KLK13: variants seen among roughly 807,000 people sequenced by gnomAD.
KLK13 encodes the protein kallikrein related peptidase 13.
Under a neutral mutation model 22.4 loss-of-function variants are expected in KLK13, and 19 were observed. The ratio of observed to expected loss-of-function variants is 0.85; its 90% CI spans 0.59 to 1.24. The LOEUF is 1.24. Among genes scored for constraint, KLK13 ranks in the 50% most tolerant of loss-of-function variants. The pLI, the probability that KLK13 is intolerant of heterozygous loss-of-function variation, is 0.00. For missense variants in KLK13, 311 were observed against 347.9 expected (o/e 0.89, Z 0.84); for synonymous variants, 156 against 141.8 (o/e 1.10, Z -0.71).
Position 51,065,084 on chromosome 19 carries a change from G to A in KLK13, c.-17C>T, listed in dbSNP as rs781752493. On this transcript the variant is annotated 5_prime_UTR_variant, in exon 1 of 5. Coordinates refer to ENST00000595793, the MANE Select transcript of KLK13 (RefSeq NM_015596.3). ...GGGCCACATGGCTCCGGGATCGGGA[G>A]GGGAGGGCAGGGCGGGCGGGGCCTG... The A allele has an allele frequency of 2.3e-5, 35 of 1,508,998 alleles. 2 individuals are homozygous for A. In the East Asian group the frequency reaches 2.7e-4, roughly 12 times the overall value. 93.5% of individuals were successfully genotyped at this position (1,508,998 alleles called of 1,614,324 possible). A position where few individuals can be genotyped will look rare whatever the true frequency, so the allele number is the denominator to read the frequency against.
In KLK13 at chr19:51,063,097, C is replaced by T. The variant is rs540707614; in HGVS notation, c.52+1919G>A. 1.4e-4 allele frequency among the ~76,000 whole-genome samples: 21 copies of T among 152,194 alleles called. No individual in the cohort carries two copies. The South Asian group carries it at 3.9e-3, about 29-fold the overall frequency. ...GGTGCTAATATGGTTTTAACACCTC[C>T]CTAATCCTCACTGAGCTCACTTTTC... On this transcript the variant is annotated intron_variant, in intron 1 of 4. Transcript: ENST00000595793.
chr19:51,065,231 C>T (rs76599303), upstream of KLK13: 4,029 of 527,624 alleles, frequency 7.6e-3, 126 homozygotes, highest in African/African-American at 0.067. Context: ...ATCTGCCCCC[C>T]GCCTCCAATT....
At chr19:51,058,378 TG>T (rs1171056028) in intron 4 of KLK13, among the ~76,000 whole-genome samples, 159 bp downstream of exon 4, 2 of 152,242 alleles carry the variant, frequency 1.3e-5, no homozygotes, top group African/African-American at 4.8e-5. Context: ...CTGCCATCCC[TG>T]GGTACCCCTT....
Position 51,056,500 on chromosome 19 carries a change from C to T in KLK13, c.*87G>A. The T allele has an allele frequency of 7.7e-7, 1 of 1,301,948 alleles. No homozygotes were observed. Among genetic ancestry groups the T allele is most frequent in the Non-Finnish European group, 1.1e-6 (1 of 918,088 alleles). 80.6% of individuals were successfully genotyped at this position (1,301,948 alleles called of 1,614,324 possible). A position where few individuals can be genotyped will look rare whatever the true frequency, so the allele number is the denominator to read the frequency against. On this transcript the variant is annotated 3_prime_UTR_variant, in exon 5 of 5. Transcript: ENST00000595793. The stretch of plus-strand genomic sequence containing the variant: ...ACATGGATCACTGGTTCAAATGGAA[C>T]ACTGGGAATAAGGAGCAGAGAAGGG...
At chr19:51,064,514 A>ATAC (rs370002183) in intron 1 of KLK13, 1 of 394,684 alleles carries the variant, frequency 2.5e-6, no homozygotes. Flanking sequence ...AAAAAAAGGA[A>ATAC]TACTACTAAT....
rs572111207 is a variant in KLK13, at chr19:51,064,312, A to G, written c.52+704T>C. 1.9e-4 allele frequency among the ~76,000 whole-genome samples: 29 copies of G among 151,960 alleles called. 7 individuals are homozygous for G. In the South Asian group the frequency reaches 2.3e-3, roughly 12 times the overall value. ...AGACCAGCCTAACCAACATGGCGAA[A>G]CCCCGTCTCTGCTGAAAATACAAAA... On this transcript the variant is annotated intron_variant, in intron 1 of 4. Coordinates refer to ENST00000595793, the MANE Select transcript of KLK13 (RefSeq NM_015596.3).
At position 51,056,792 on chromosome 19, in the gene KLK13, AAGAG is replaced by A. The variant is rs746704211; in HGVS notation, c.646-21_646-18del. 4 of 1,606,168 alleles carry A rather than the reference AAGAG, an allele frequency of 2.5e-6. No homozygotes were observed. The highest frequency in any genetic ancestry group is 1.1e-5 in the South Asian group (1 of 90,618). ...AGAGTCACCCTGAGTTGGGGAAAGA[AAGAG>A]AGAGAGAGGTGGGTCCTTGCTGGGG... On this transcript the variant is annotated intron_variant, in intron 4 of 4. Transcript: ENST00000595793.
intron 4 of KLK13, among the ~76,000 whole-genome samples, chr19:51,058,279 A>G (rs1295516501): frequency 6.6e-6 from 1 of 152,242 alleles, no homozygotes; most frequent in Non-Finnish European, 1.5e-5. Context: ...TCTATCACTC[A>G]CAAGTGAAAG....
At position 51,063,562 on chromosome 19, in the gene KLK13, T is replaced by C. The variant is rs1371943450; in HGVS notation, c.52+1454A>G. Reference sequence around the variant, plus strand: ...AGTCCTAGGTTTCTCTGCCATGAAATTGGAGTAATTACAATGCACCTACCT... The same window carrying C: ...AGTCCTAGGTTTCTCTGCCATGAAACTGGAGTAATTACAATGCACCTACCT... On this transcript the variant is annotated intron_variant, in intron 1 of 4. Coordinates refer to ENST00000595793, the MANE Select transcript of KLK13 (RefSeq NM_015596.3). The C allele has an allele frequency of 6.6e-5, 28 of 421,762 alleles. 1 individual carries two copies. The East Asian group carries it at 1.4e-3, about 22-fold the overall frequency. The allele number at this position is 421,762 out of a possible 1,614,324, so 26.1% of individuals were successfully genotyped here. A position where few individuals can be genotyped will look rare whatever the true frequency, so the allele number is the denominator to read the frequency against.
chr19:51,060,265 G>A (rs2122695846), intron 2 of KLK13, among the ~76,000 whole-genome samples, 168 bp downstream of exon 2: 1 of 150,740 alleles, frequency 6.6e-6, no homozygotes, highest in Admixed American at 6.6e-5. Flanking sequence ...CCCCTACTTT[G>A]ATTCTATTCC....
Position 51,056,613 on chromosome 19 carries a change from G to T in KLK13, c.808C>A (p.Gln270Lys). ...TATTGTGGGCCCTTCAACCATTTTT[G>T]CTGCTGGGTTTCATATTTTCGGATT... The part of the protein sequence containing the change: ...ETIRKYETQQ[Q>K]KWLKGPQ Residue 270 changes from glutamine to lysine, a missense_variant, in exon 5 of 5, where the codon CAA becomes AAA. Transcript: ENST00000595793. 1.2e-6 allele frequency: 2 copies of T among 1,613,876 alleles called. No homozygotes were observed. The highest frequency in any genetic ancestry group is 2.7e-5 in the African/African-American group (2 of 75,000).
chr19:51,056,469 T>C lies in KLK13; in HGVS notation c.*118A>G, dbSNP rs1198494901. 9.2e-7 allele frequency: 1 copy of C among 1,082,750 alleles called. No homozygotes were observed. Among genetic ancestry groups the C allele is most frequent in the Non-Finnish European group, 1.4e-6 (1 of 731,214 alleles). The allele number at this position is 1,082,750 out of a possible 1,614,324, so 67.1% of individuals were successfully genotyped here. A position where few individuals can be genotyped will look rare whatever the true frequency, so the allele number is the denominator to read the frequency against. On this transcript the variant is annotated 3_prime_UTR_variant, in exon 5 of 5. Transcript: ENST00000595793. ...GAATGTTAGCTGAGATTGAGCATTT[T>C]TCAGGACATGGATCACTGGTTCAAA...
rs780954349 is a variant in KLK13, at chr19:51,060,053, C to T, written c.280G>A (p.Val94Met). ...VYLGKHALGR[V>M]EAGEQVREVV... ...TCCCTCACCTGCTCACCAGCTTCCA[C>T]ACGCCCTAGGGCGTGCTTGCCTAGG... The change falls in exon 3 of 5, where the codon GTG becomes ATG. Residue 94 changes from valine (V) to methionine (M), a missense_variant. Coordinates refer to ENST00000595793, the MANE Select transcript of KLK13 (RefSeq NM_015596.3). 10 of 1,613,698 alleles carry T rather than the reference C, an allele frequency of 6.2e-6. No homozygotes were observed. Among genetic ancestry groups the T allele is most frequent in the Admixed American group, 1.7e-5 (1 of 59,980 alleles).
At position 51,065,003 on chromosome 19, in the gene KLK13, C is replaced by T. The variant is rs545084633; in HGVS notation, c.52+13G>A. The T allele has an allele frequency of 5.2e-6, 8 of 1,550,776 alleles. No homozygotes were observed. Among genetic ancestry groups the T allele is most frequent in the Non-Finnish European group, 7.0e-6 (8 of 1,146,714 alleles). ...CGAATGGCCGCCGCGCCTCCACCCC[C>T]GCGCATTCTTACCTCCTGACAAGGC... On this transcript the variant is annotated intron_variant, in intron 1 of 4. Coordinates refer to ENST00000595793, the MANE Select transcript of KLK13 (RefSeq NM_015596.3).
rs573228567 is a variant in KLK13 at position 51,055,670 on chromosome 19, T to TA, written c.*916dup. On this transcript the variant is annotated 3_prime_UTR_variant, in exon 5 of 5. Coordinates refer to ENST00000595793, the MANE Select transcript of KLK13 (RefSeq NM_015596.3). ...TTTATTCTTGTAATAATGTTACAATTAAAAAAAATTATGAACCCATTTTAC... is the reference window on the plus strand; with the variant it reads ...TTTATTCTTGTAATAATGTTACAATTAAAAAAAAATTATGAACCCATTTTAC... 3.3e-5 allele frequency among the ~76,000 whole-genome samples: 5 copies of TA among 152,034 alleles called. No homozygotes were observed. Among genetic ancestry groups the TA allele is most frequent in the East Asian group, 3.8e-4 (2 of 5,196 alleles).
rs867561798 is a variant in KLK13 at position 51,059,824 on chromosome 19, C to A, written c.508+1G>T. 1 of 1,599,278 alleles carries A rather than the reference C, an allele frequency of 6.3e-7. No homozygotes were observed. The highest frequency in any genetic ancestry group is 8.5e-7 in the Non-Finnish European group (1 of 1,172,082). Reference sequence around the variant, plus strand: ...CTCAGGCCACCTGTGTGGGTGCATACCCTGGGGGCTGGTGGTGGTGCCCCA... The same window carrying A: ...CTCAGGCCACCTGTGTGGGTGCATAACCTGGGGGCTGGTGGTGGTGCCCCA... On this transcript the variant is annotated splice_donor_variant, in intron 3 of 4. Transcript: ENST00000595793. LOFTEE classifies it high-confidence loss of function.
chr19:51,057,002 G>A (rs936821059), intron 4 of KLK13, among the ~76,000 whole-genome samples: 2 of 152,186 alleles, frequency 1.3e-5, no homozygotes, highest in Non-Finnish European at 2.9e-5. Context: ...GACAGAAATA[G>A]GGACAGAAAG....
At chr19:51,065,103 G>A (rs752982263), upstream of KLK13, 8 of 1,401,168 alleles carry the variant, frequency 5.7e-6, no homozygotes, top group East Asian at 1.8e-4. Flanking sequence ...AGGGCGGGCG[G>A]GGCCTGAGGA....
intron 4 of KLK13, among the ~76,000 whole-genome samples, chr19:51,057,455 T>C (rs1014636665): frequency 2.0e-5 from 3 of 152,112 alleles, no homozygotes; most frequent in Admixed American, 6.5e-5. Flanking sequence ...TTAGAGACAG[T>C]GTCTTGCTCT....
Sources: allele counts gnomAD v4.1 joint callset (sites outside exome capture counted in the v4.1 genomes callset), GRCh38; gene constraint gnomAD v4.1.1; transcripts MANE v1.5; gene names NCBI Gene and HGNC (gene_info 2026-07-23, HGNC 2026-07-21).